Variants in HRH3 observed in about 807,000 individuals in gnomAD.
HRH3 encodes the protein histamine receptor H3, also known as histamine H3 receptor.
A neutral mutation model predicts 21.6 loss-of-function variants in HRH3; 13 were observed. That is an observed-to-expected ratio of 0.60 (90% confidence interval 0.39 to 0.96). The LOEUF (loss-of-function observed/expected upper bound fraction) is 0.96. Ranked by LOEUF, HRH3 falls within the 40% of genes least tolerant of loss-of-function variation. HRH3 has a pLI of 0.00. For missense variants in HRH3, 461 were observed against 622.7 expected, an observed-to-expected ratio of 0.74 and a Z score of 2.76; for synonymous variants, 276 against 290.3, an observed-to-expected ratio of 0.95 and a Z score of 0.50.
intron 2 of HRH3, among the ~76,000 whole-genome samples, chr20:62,217,396 C>G (rs1244376713): frequency 6.6e-6 from 1 of 152,232 alleles, no homozygotes; most frequent in African/African-American, 2.4e-5. Context: ...GCTCGCACCC[C>G]TGGGAGCTGG....
In HRH3 at chr20:62,218,410, G is replaced by A; in HGVS notation, c.417+81C>T. On this transcript the variant is annotated intron_variant, in intron 2 of 2. Coordinates refer to ENST00000340177, the MANE Select transcript of HRH3 (RefSeq NM_007232.3). The surrounding 1 kb of genome is among the most constrained non-coding windows in gnomAD (Gnocchi z 5.6). ...CACTTCTGCCCACAACTCAGAAGTG[G>A]CCGTCCCCACCCAGGTGCCTCCCAT... The A allele has an allele frequency of 1.4e-6, 2 of 1,475,114 alleles. No homozygotes were observed. Among genetic ancestry groups the A allele is most frequent in the Non-Finnish European group, 1.8e-6 (2 of 1,093,932 alleles). 91.4% of individuals were successfully genotyped at this position (1,475,114 alleles called of 1,614,324 possible).
chr20:62,218,735 G>T lies in HRH3; in HGVS notation c.251-78C>A. ...ACGGACCTAAGCGCAGACACCGGCG[G>T]GACCTGGGGTCACATGGTGGCTGCT... is the stretch of plus-strand genomic sequence containing the variant. On this transcript the variant is annotated intron_variant, in intron 1 of 2. Coordinates refer to ENST00000340177, the MANE Select transcript of HRH3 (RefSeq NM_007232.3). The surrounding 1 kb of genome is among the most constrained non-coding windows in gnomAD (Gnocchi z 5.6). The T allele has an allele frequency of 7.1e-7, 1 of 1,413,272 alleles. No homozygotes were observed. Among genetic ancestry groups the T allele is most frequent in the Non-Finnish European group, 9.7e-7 (1 of 1,031,740 alleles). 87.5% of individuals were successfully genotyped at this position (1,413,272 alleles called of 1,614,324 possible).
At chr20:62,217,159 AC>A (rs1286808134) in intron 2 of HRH3, among the ~76,000 whole-genome samples, 1 of 151,958 alleles carries the variant, frequency 6.6e-6, no homozygotes, top group African/African-American at 2.4e-5. Flanking sequence ...CCTGGGACCA[AC>A]CTGAACCCTC....
rs147913189 is a variant in HRH3, at chr20:62,219,857, G to C, written c.114C>G (p.Ala38=). 1 of 1,548,690 alleles carries C rather than the reference G, an allele frequency of 6.5e-7. No individual in the cohort carries two copies. Among genetic ancestry groups the C allele is most frequent in the East Asian group, 2.6e-5 (1 of 37,872 alleles). The change falls in exon 1 of 3, where the codon GCC becomes GCG. Residue 38 remains alanine (A), a synonymous_variant. Transcript: ENST00000340177. The surrounding 1 kb of genome is among the most constrained non-coding windows in gnomAD (Gnocchi z 8.7). The part of the protein sequence containing the change: ...GFSAAWTAVL[A]ALMALLIVAT... ...CCACGATGAGCAGCGCCATGAGCGCGGCCAGCACCGCGGTCCAGGCTGCCG... is the reference window on the plus strand; with the variant it reads ...CCACGATGAGCAGCGCCATGAGCGCCGCCAGCACCGCGGTCCAGGCTGCCG...
In HRH3 at chr20:62,215,871, G is replaced by T. The variant is rs201524658; in HGVS notation, c.*135C>A. The stretch of plus-strand genomic sequence containing the variant: ...GCGCCTCCATGGCAGGGTGGCTGCC[G>T]TGGCATTAAGAGAGGGCCACAGACA... On this transcript the variant is annotated 3_prime_UTR_variant, in exon 3 of 3. Transcript: ENST00000340177. The T allele has an allele frequency of 2.3e-6, 2 of 865,442 alleles. No individual in the cohort carries two copies. The highest frequency in any genetic ancestry group is 3.4e-6 in the Non-Finnish European group (2 of 581,138). The allele number at this position is 865,442 out of a possible 1,614,324, so 53.6% of individuals were successfully genotyped here.
intron 2 of HRH3, among the ~76,000 whole-genome samples, chr20:62,217,952 C>T (rs553011065): frequency 1.0e-3 from 153 of 152,262 alleles, no homozygotes; most frequent in African/African-American, 3.1e-3. Context: ...GCCCTGGGGA[C>T]GTGAGCTGCC....
chr20:62,216,069 C>G lies in HRH3; in HGVS notation c.1275G>C (p.Lys425Asn). The G allele has an allele frequency of 8.7e-6, 14 of 1,607,892 alleles. No homozygotes were observed. Among genetic ancestry groups the G allele is most frequent in the Non-Finnish European group, 1.2e-5 (14 of 1,177,746 alleles). ...TTTTGAGCTTCTGGGGGCAGAGCAG[C>G]TTGGTGAAGGCCCGGCGGAAGCTGT... ...CHHSFRRAFT[K>N]LLCPQKLKIQ... The change falls in exon 3 of 3, where the codon AAG becomes AAC. Residue 425 changes from lysine (K) to asparagine (N), a missense_variant. By Grantham distance (94) the Lys-to-Asn change is moderately conservative. Coordinates refer to ENST00000340177, the MANE Select transcript of HRH3 (RefSeq NM_007232.3).
At position 62,215,352 on chromosome 20, in the gene HRH3, T is replaced by A. The variant is rs1257373369; in HGVS notation, c.*654A>T. 2.2e-6 allele frequency: 1 copy of A among 456,746 alleles called. No homozygotes were observed. Among genetic ancestry groups the A allele is most frequent in the Non-Finnish European group, 4.4e-6 (1 of 227,020 alleles). The allele number at this position is 456,746 out of a possible 1,614,324, so 28.3% of individuals were successfully genotyped here. ...AGCTCCTCAGCAATTTTGTCTCTCT[T>A]GATTAAACATCCCAGGAACATCAAG... is the stretch of plus-strand genomic sequence containing the variant. On this transcript the variant is annotated 3_prime_UTR_variant, in exon 3 of 3. Transcript: ENST00000340177.
rs199654871 is a variant in HRH3, at chr20:62,215,296, G to A, written c.*710C>T. The A allele has an allele frequency of 2.9e-5, 13 of 455,726 alleles. No individual in the cohort carries two copies. Among genetic ancestry groups the A allele is most frequent in the African/African-American group, 1.0e-4 (5 of 50,200 alleles). 28.2% of individuals were successfully genotyped at this position (455,726 alleles called of 1,614,324 possible). A position where few individuals can be genotyped will look rare whatever the true frequency, so the allele number is the denominator to read the frequency against. On this transcript the variant is annotated 3_prime_UTR_variant, in exon 3 of 3. Transcript: ENST00000340177. ...GAAGCCTTAGCGGAGGGAGGAGGGC[G>A]TGGGAGCCCACACCTGCCAATCCAG... is the stretch of plus-strand genomic sequence containing the variant.
chr20:62,215,768 A>T lies in HRH3; in HGVS notation c.*238T>A. 7.1e-6 allele frequency: 4 copies of T among 565,586 alleles called. No homozygotes were observed. The highest frequency in any genetic ancestry group is 1.3e-5 in the Non-Finnish European group (4 of 316,300). 35.0% of individuals were successfully genotyped at this position (565,586 alleles called of 1,614,324 possible). On this transcript the variant is annotated 3_prime_UTR_variant, in exon 3 of 3. Coordinates refer to ENST00000340177, the MANE Select transcript of HRH3 (RefSeq NM_007232.3). ...ACCTCCAGACTGTCCCTCCCGGTGG[A>T]GCCAGAATGTGGGGGGCAGGGCCGG... is the stretch of plus-strand genomic sequence containing the variant.
intron 2 of HRH3, 61 bp from the exon 3 acceptor site, chr20:62,216,987 C>T (rs781533939): frequency 1.2e-5 from 18 of 1,458,128 alleles, no homozygotes; most frequent in African/African-American, 4.2e-5. Flanking sequence ...GGTGCGCCCC[C>T]GTAGCCTGTG....
Position 62,218,239 on chromosome 20 carries a change from C to T in HRH3, c.417+252G>A, listed in dbSNP as rs1160647915. Among the ~76,000 whole-genome samples the T allele has an allele frequency of 6.6e-6, 1 of 152,242 alleles. No homozygotes were observed. Among genetic ancestry groups the T allele is most frequent in the Admixed American group, 6.5e-5 (1 of 15,292 alleles). ...ACCTGCCCCAGGGCGGGGGCTGCAG[C>T]GACAGCCCTGCCTTCAGGACCATCT... is the stretch of plus-strand genomic sequence containing the variant. On this transcript the variant is annotated intron_variant, in intron 2 of 2. Transcript: ENST00000340177. The surrounding 1 kb of genome is among the most constrained non-coding windows in gnomAD (Gnocchi z 5.6).
chr20:62,218,755 G>T lies in HRH3; in HGVS notation c.251-98C>A. 2 of 1,226,378 alleles carry T rather than the reference G, an allele frequency of 1.6e-6. No individual in the cohort carries two copies. Among genetic ancestry groups the T allele is most frequent in the Non-Finnish European group, 2.3e-6 (2 of 883,304 alleles). 76.0% of individuals were successfully genotyped at this position (1,226,378 alleles called of 1,614,324 possible). A position where few individuals can be genotyped will look rare whatever the true frequency, so the allele number is the denominator to read the frequency against. On this transcript the variant is annotated intron_variant, in intron 1 of 2. Transcript: ENST00000340177. The surrounding 1 kb of genome is among the most constrained non-coding windows in gnomAD (Gnocchi z 5.6). ...CGGCGGGACCTGGGGTCACATGGTGGCTGCTTTTCTGGAACTAGCCATCCT... is the reference window on the plus strand; with the variant it reads ...CGGCGGGACCTGGGGTCACATGGTGTCTGCTTTTCTGGAACTAGCCATCCT...
Position 62,218,347 on chromosome 20 carries a change from G to A in HRH3, c.417+144C>T. The A allele has an allele frequency of 1.1e-6, 1 of 923,278 alleles. No homozygotes were observed. The highest frequency in any genetic ancestry group is 1.6e-6 in the Non-Finnish European group (1 of 625,712). 57.2% of individuals were successfully genotyped at this position (923,278 alleles called of 1,614,324 possible). A position where few individuals can be genotyped will look rare whatever the true frequency, so the allele number is the denominator to read the frequency against. ...CCGAGTGGGCAGCTGGCCGTCGAGTGGCCCATGTGTCAGCAGCAAAGCCAG... is the reference window on the plus strand; with the variant it reads ...CCGAGTGGGCAGCTGGCCGTCGAGTAGCCCATGTGTCAGCAGCAAAGCCAG... On this transcript the variant is annotated intron_variant, in intron 2 of 2. Coordinates refer to ENST00000340177, the MANE Select transcript of HRH3 (RefSeq NM_007232.3). The surrounding 1 kb of genome is among the most constrained non-coding windows in gnomAD (Gnocchi z 5.6).
rs1198020280 is a variant in HRH3 at position 62,220,149 on chromosome 20, G to A, written c.-179C>T. ...CGGGGCCGGGGCCAGAGCAGGCGGT[G>A]CCGAGGGGGCCGGGGCCGGATCCGA... is the stretch of plus-strand genomic sequence containing the variant. On this transcript the variant is annotated 5_prime_UTR_variant, in exon 1 of 3. Transcript: ENST00000340177. 7 of 371,218 alleles carry A rather than the reference G, an allele frequency of 1.9e-5. No homozygotes were observed. In the East Asian group the frequency reaches 1.1e-3, roughly 61 times the overall value. 23.0% of individuals were successfully genotyped at this position (371,218 alleles called of 1,614,324 possible).
chr20:62,216,018 G>C lies in HRH3; in HGVS notation c.1326C>G (p.His442Gln), dbSNP rs1423597628. The C allele has an allele frequency of 6.3e-7, 1 of 1,575,344 alleles. No homozygotes were observed. ...LKIQPHSSLE[H>Q]CWK ...TCTGGTGGGCCACTCACTTCCAGCAGTGCTCCAGGGAGCTGTGGGGCTGGA... is the reference window on the plus strand; with the variant it reads ...TCTGGTGGGCCACTCACTTCCAGCACTGCTCCAGGGAGCTGTGGGGCTGGA... The change falls in exon 3 of 3, where the codon CAC becomes CAG. Residue 442 changes from histidine to glutamine, a missense_variant. By Grantham distance (24) the His-to-Gln change is conservative. Around this residue, in one of 6 missense-constraint regions of HRH3, gnomAD observed 102 missense variants for 166.6 expected, o/e 0.61. Coordinates refer to ENST00000340177, the MANE Select transcript of HRH3 (RefSeq NM_007232.3).
At position 62,218,748 on chromosome 20, in the gene HRH3, C is replaced by T; in HGVS notation, c.251-91G>A. 7.8e-7 allele frequency: 1 copy of T among 1,280,942 alleles called. No individual in the cohort carries two copies. Among genetic ancestry groups the T allele is most frequent in the Non-Finnish European group, 1.1e-6 (1 of 927,166 alleles). 79.3% of individuals were successfully genotyped at this position (1,280,942 alleles called of 1,614,324 possible). On this transcript the variant is annotated intron_variant, in intron 1 of 2. Coordinates refer to ENST00000340177, the MANE Select transcript of HRH3 (RefSeq NM_007232.3). The surrounding 1 kb of genome is among the most constrained non-coding windows in gnomAD (Gnocchi z 5.6). ...CAGACACCGGCGGGACCTGGGGTCA[C>T]ATGGTGGCTGCTTTTCTGGAACTAG...
chr20:62,216,635 G>A lies in HRH3; in HGVS notation c.709C>T (p.Arg237Ter), dbSNP rs768254171. The change falls in exon 3 of 3, where the codon CGA (arginine) becomes TGA (stop). Residue 237 changes from arginine to a stop codon, truncating the protein, a stop_gained. Coordinates refer to ENST00000340177, the MANE Select transcript of HRH3 (RefSeq NM_007232.3). LOFTEE classifies it low-confidence loss of function (END_TRUNC). Reference sequence around the variant, plus strand: ...GGGGGCTCGGGGCCGGCTGCCTCTCGAGCCCCATCCAGCCGGAGGCGGGTG... The same window carrying A: ...GGGGGCTCGGGGCCGGCTGCCTCTCAAGCCCCATCCAGCCGGAGGCGGGTG... ...RRTRLRLDGA[R>*]EAAGPEPPPE... is the part of the protein sequence containing the mutation. 8 of 1,612,302 alleles carry A rather than the reference G, an allele frequency of 5.0e-6. No individual in the cohort carries two copies. Among genetic ancestry groups the A allele is most frequent in the Non-Finnish European group, 6.8e-6 (8 of 1,179,774 alleles).
At position 62,215,784 on chromosome 20, in the gene HRH3, G is replaced by A; in HGVS notation, c.*222C>T. 1.7e-6 allele frequency: 1 copy of A among 579,000 alleles called. No individual in the cohort carries two copies. 35.9% of individuals were successfully genotyped at this position (579,000 alleles called of 1,614,324 possible). On this transcript the variant is annotated 3_prime_UTR_variant, in exon 3 of 3. Transcript: ENST00000340177. ...TCCCGGTGGAGCCAGAATGTGGGGG[G>A]CAGGGCCGGCCACCCAGCCTCCAGT...
Sources: allele counts gnomAD v4.1 joint callset (sites outside exome capture counted in the v4.1 genomes callset), GRCh38; gene constraint gnomAD v4.1.1; regional missense constraint gnomAD v4.1.1; non-coding constraint Gnocchi (gnomAD v3.1); transcripts MANE v1.5; gene names NCBI Gene and HGNC (gene_info 2026-07-23, HGNC 2026-07-21).